The following CDH4 variants were observed in gnomAD, a reference collection of about 807,000 sequenced individuals.
CDH4 encodes the protein cadherin 4.
Under a neutral mutation model 86.0 loss-of-function variants are expected in CDH4, and 33 were observed. That is an observed-to-expected ratio of 0.38 (90% CI 0.29 to 0.51). CDH4 has a LOEUF of 0.51. CDH4 is among the 20% of genes least tolerant of loss of function. The pLI is 0.86. For missense variants in CDH4, 1,114 were observed against 1,307.4 expected, an observed-to-expected ratio of 0.85 and a Z score of 2.28; for synonymous variants, 555 against 549.4, an observed-to-expected ratio of 1.01 and a Z score of -0.14.
intron 4 of CDH4, among the ~76,000 whole-genome samples, chr20:61,827,798 G>A (rs1981393348): frequency 6.6e-6 from 1 of 152,002 alleles, no homozygotes; most frequent in Non-Finnish European, 1.5e-5. Context: ...GAGACGACAG[G>A]GTCACACCAA....
At chr20:61,936,349 CA>C (rs2055185087) in intron 15 of CDH4, among the ~76,000 whole-genome samples, 20 of 14,510 alleles carry the variant, frequency 1.4e-3, no homozygotes, top group Admixed American at 4.0e-3. Context: ...CCTTCCCCCA[CA>C]CCCCTTCCCC....
chr20:61,679,562 T>C (rs2087485705), intron 2 of CDH4, among the ~76,000 whole-genome samples: 1 of 152,250 alleles, frequency 6.6e-6, no homozygotes, highest in East Asian at 1.9e-4. Context: ...AGGAAGCCAC[T>C]AGCTGCTGGG....
chr20:61,683,208 G>A (rs527803416), intron 2 of CDH4, among the ~76,000 whole-genome samples: 7 of 152,222 alleles, frequency 4.6e-5, no homozygotes, highest in South Asian at 4.2e-4. Context: ...TACTCTCCAC[G>A]TCTGTGCAGT....
At chr20:61,917,819 A>G (rs113775234) in intron 9 of CDH4, among the ~76,000 whole-genome samples, 1 of 152,258 alleles carries the variant, frequency 6.6e-6, no homozygotes, top group African/African-American at 2.4e-5. Flanking sequence ...TGATTTCTCC[A>G]TTACAAATGT....
At chr20:61,266,988 G>T (rs1463707026) in intron 2 of CDH4, among the ~76,000 whole-genome samples, 2 of 152,172 alleles carry the variant, frequency 1.3e-5, no homozygotes, top group Non-Finnish European at 2.9e-5. Flanking sequence ...CAGACTTGGA[G>T]GGGGAGGCCC....
At chr20:61,858,750 C>T (rs186053646) in intron 6 of CDH4, among the ~76,000 whole-genome samples, 1 of 152,314 alleles carries the variant, frequency 6.6e-6, no homozygotes, top group East Asian at 1.9e-4. Flanking sequence ...ATAGCTCGTT[C>T]CTTTCTGTGG....
chr20:61,923,505 C>A lies in CDH4; in HGVS notation c.1429C>A (p.Gln477Lys). ...AFMLTVMVSN[Q>K]APLASGIQMS... The stretch of plus-strand genomic sequence containing the variant: ...CATGCTGACAGTGATGGTGTCCAAC[C>A]AGGCGCCCCTGGCCAGCGGAATCCA... Residue 477 changes from glutamine (Q) to lysine (K), a missense_variant, in exon 10 of 16, where the codon CAG becomes AAG. Gln to Lys is a moderately conservative substitution (Grantham distance 53). Transcript: ENST00000614565. 6.2e-7 allele frequency: 1 copy of A among 1,614,148 alleles called. No individual in the cohort carries two copies. Among genetic ancestry groups the A allele is most frequent in the Non-Finnish European group, 8.5e-7 (1 of 1,180,030 alleles).
chr20:61,500,831 G>A (rs183706484), intron 2 of CDH4, among the ~76,000 whole-genome samples: 3 of 152,326 alleles, frequency 2.0e-5, no homozygotes, highest in Middle Eastern at 3.4e-3. Context: ...AATGAGCCTT[G>A]AGGTTGAACT....
intron 8 of CDH4, among the ~76,000 whole-genome samples, chr20:61,899,946 G>A (rs867566406): frequency 3.7e-4 from 56 of 152,202 alleles, no homozygotes; most frequent in African/African-American, 1.3e-3. Context: ...GAGCCCTGGG[G>A]TCTGTGGGTC....
At chr20:61,770,533 G>A (rs949156607) in intron 3 of CDH4, among the ~76,000 whole-genome samples, 2 of 152,258 alleles carry the variant, frequency 1.3e-5, no homozygotes, top group African/African-American at 2.4e-5. Flanking sequence ...GCATATACGC[G>A]TGACGTTCTG....
At chr20:61,403,031 A>G (rs1317385) in intron 2 of CDH4, among the ~76,000 whole-genome samples, 76,964 of 152,080 alleles carry the variant, frequency 0.51, 20,583 homozygotes, top group African/African-American at 0.68. Context: ...AAGTGGAAAC[A>G]TTTTGTGGGA....
At chr20:61,457,899 A>T (rs970971253) in intron 2 of CDH4, among the ~76,000 whole-genome samples, 1 of 149,480 alleles carries the variant, frequency 6.7e-6, no homozygotes, top group East Asian at 2.0e-4. Context: ...AGTGGTGGTG[A>T]TGGTCATGGT....
rs115289851 is a variant in CDH4, at chr20:61,718,596, C to T, written c.170-24967C>T. 2.1e-3 allele frequency: 750 copies of T among 356,096 alleles called. 3 individuals carry two copies. Among genetic ancestry groups the T allele is most frequent in the African/African-American group, 0.013 (588 of 46,882 alleles). 22.1% of individuals were successfully genotyped at this position (356,096 alleles called of 1,614,324 possible). A position where few individuals can be genotyped will look rare whatever the true frequency, so the allele number is the denominator to read the frequency against. On this transcript the variant is annotated intron_variant, in intron 2 of 15. Coordinates refer to ENST00000614565, the MANE Select transcript of CDH4 (RefSeq NM_001794.5). ...ACCTGCACAGGCTCACAGGGCAGAG[C>T]GCTGCAGGGGCTACCCGACTGGGTG...
intron 2 of CDH4, among the ~76,000 whole-genome samples, chr20:61,637,613 A>G (rs1315931778): frequency 6.6e-6 from 1 of 151,832 alleles, no homozygotes; most frequent in African/African-American, 2.4e-5. Context: ...TTTTACTTCT[A>G]CGTACTTTCT....
chr20:61,281,826 G>A (rs895757582), intron 2 of CDH4, among the ~76,000 whole-genome samples: 4 of 152,222 alleles, frequency 2.6e-5, no homozygotes, highest in Non-Finnish European at 5.9e-5. Flanking sequence ...TCTGCCATCT[G>A]ACATGATTGC....
chr20:61,845,041 G>A (rs1982374119), intron 5 of CDH4, among the ~76,000 whole-genome samples: 1 of 152,220 alleles, frequency 6.6e-6, no homozygotes, highest in Non-Finnish European at 1.5e-5. Context: ...GGTGGGCCTG[G>A]GAAACTGCAT....
intron 2 of CDH4, 30 bp from the exon 3 acceptor site, chr20:61,743,533 G>T (rs751562482): frequency 2.0e-6 from 3 of 1,536,848 alleles, no homozygotes; most frequent in East Asian, 2.4e-5. Context: ...TGGCCAAGCC[G>T]ACCCTGACTC....
At chr20:61,769,972 G>C (rs563383090) in intron 3 of CDH4, among the ~76,000 whole-genome samples, 1 of 152,316 alleles carries the variant, frequency 6.6e-6, no homozygotes, top group South Asian at 2.1e-4. Flanking sequence ...TCAGTGGAAG[G>C]GCCAGATGCA....
At chr20:61,369,042 CCTA>C (rs1416886418) in intron 2 of CDH4, among the ~76,000 whole-genome samples, 2 of 152,126 alleles carry the variant, frequency 1.3e-5, no homozygotes, top group Non-Finnish European at 2.9e-5. Flanking sequence ...TAGTTCGTAG[CCTA>C]CTATCGTCAA....
Sources: allele counts gnomAD v4.1 joint callset (sites outside exome capture counted in the v4.1 genomes callset), GRCh38; gene constraint gnomAD v4.1.1; transcripts MANE v1.5; gene names NCBI Gene and HGNC (gene_info 2026-07-23, HGNC 2026-07-21).